RGS7: variants seen among roughly 807,000 people sequenced by gnomAD.
RGS7 encodes regulator of G protein signaling 7, also known as regulator of G-protein signaling 7.
In RGS7, 27 loss-of-function variants were observed where a neutral mutation model predicts 81.1. The ratio of observed to expected loss-of-function variants is 0.33; its 90% CI spans 0.25 to 0.46. RGS7 has a LOEUF of 0.46. RGS7 is among the 20% of genes least tolerant of loss of function. RGS7 has a pLI of 1.00. For missense variants in RGS7, 396 were observed against 607.4 expected (o/e 0.65, Z 3.66); for synonymous variants, 208 against 207.7 (o/e 1.00, Z -0.01).
rs935210661 is a variant in RGS7, at chr1:240,979,837, G to A, written c.226+3242C>T. The stretch of plus-strand genomic sequence containing the variant: ...GGAAGAGTATGAGTGTGAAATTCTG[G>A]AAGCAAAGGACAATCAATTTGTTCA... On this transcript the variant is annotated intron_variant, in intron 4 of 18. Transcript: ENST00000440928. Among the ~76,000 whole-genome samples, 9 of 152,132 alleles carry A rather than the reference G, an allele frequency of 5.9e-5. No individual in the cohort carries two copies. In the South Asian group the frequency reaches 8.3e-4, roughly 14 times the overall value.
chr1:241,013,155 C>T lies in RGS7; in HGVS notation c.176-30026G>A, dbSNP rs556296763. ...TCGGCTCACCGCAACCTCCACCTCC[C>T]GGGTTCAAGCGATTCTCGTGCCTCA... On this transcript the variant is annotated intron_variant, in intron 3 of 18. Transcript: ENST00000440928. Among the ~76,000 whole-genome samples the T allele has an allele frequency of 3.4e-5, 5 of 145,596 alleles. No individual in the cohort carries two copies. The East Asian group carries it at 8.5e-4, about 25-fold the overall frequency.
chr1:241,148,050 TC>T (rs1339949802), intron 2 of RGS7, among the ~76,000 whole-genome samples: 1 of 122,352 alleles, frequency 8.2e-6, no homozygotes, highest in African/African-American at 2.8e-5. Context: ...CTTTTCTTTT[TC>T]TTTTTTTTTT....
chr1:241,265,390 G>T (rs1253960750), intron 2 of RGS7, among the ~76,000 whole-genome samples: 1 of 152,120 alleles, frequency 6.6e-6, no homozygotes, highest in Admixed American at 6.5e-5. Flanking sequence ...AAATAATAAG[G>T]TAAATGGCCT....
At chr1:241,125,284 T>C (rs2066571000) in intron 2 of RGS7, among the ~76,000 whole-genome samples, 1 of 152,156 alleles carries the variant, frequency 6.6e-6, no homozygotes, top group Non-Finnish European at 1.5e-5. Context: ...TCTAAGCATT[T>C]TATGAGGTTT....
intron 2 of RGS7, among the ~76,000 whole-genome samples, chr1:241,145,949 C>T (rs1425280672): frequency 6.6e-6 from 1 of 152,150 alleles, no homozygotes; most frequent in Non-Finnish European, 1.5e-5. Flanking sequence ...ATACTTCTCA[C>T]TGAAAGTTCT....
chr1:241,327,117 A>AG (rs1302529265), intron 2 of RGS7, among the ~76,000 whole-genome samples: 2 of 111,146 alleles, frequency 1.8e-5, no homozygotes, highest in Non-Finnish European at 4.0e-5. Context: ...AAAGAAAGAA[A>AG]GAAAGAAAGA....
At chr1:240,973,257 C>T (rs866601567) in intron 4 of RGS7, among the ~76,000 whole-genome samples, 2 of 152,092 alleles carry the variant, frequency 1.3e-5, no homozygotes, top group Non-Finnish European at 2.9e-5. Context: ...CCATGGCTCA[C>T]GCCTGTATTC....
intron 9 of RGS7, among the ~76,000 whole-genome samples, chr1:240,859,890 T>A (rs1194289600): frequency 1.3e-5 from 2 of 152,216 alleles, no homozygotes; most frequent in East Asian, 3.8e-4. Flanking sequence ...ATCCTAAAAA[T>A]TTTGATAAAG....
intron 6 of RGS7, among the ~76,000 whole-genome samples, chr1:240,902,235 T>A (rs183938266): frequency 1.9e-3 from 284 of 152,352 alleles, no homozygotes; most frequent in African/African-American, 6.2e-3. Context: ...AACAATTGGT[T>A]GAGTTTAAAC....
intron 3 of RGS7, among the ~76,000 whole-genome samples, chr1:241,077,194 C>T (rs2062852554): frequency 6.6e-6 from 1 of 152,144 alleles, no homozygotes; most frequent in South Asian, 2.1e-4. Flanking sequence ...CCCAAATATT[C>T]CTCCATAACA....
chr1:240,885,756 G>T (rs1667242042), intron 6 of RGS7, among the ~76,000 whole-genome samples: 1 of 152,108 alleles, frequency 6.6e-6, no homozygotes, highest in African/African-American at 2.4e-5. Context: ...GAGAGTGGAG[G>T]GTGGGAGGAG....
chr1:241,327,134 GAAA>G lies in RGS7; in HGVS notation c.78+28562_78+28564del, dbSNP rs1400536636. On this transcript the variant is annotated intron_variant, in intron 2 of 18. Coordinates refer to ENST00000440928, the MANE Select transcript of RGS7 (RefSeq NM_001364886.1). ...AGAAAGAAAGAAAGAAAGAAAGAAA[GAAA>G]GAAAGAAAGGAAAGAAAGAAAGAAA... is the stretch of plus-strand genomic sequence containing the variant. Among the ~76,000 whole-genome samples, 82 of 100,710 alleles carry G rather than the reference GAAA, an allele frequency of 8.1e-4. 6 individuals carry two copies. The highest frequency in any genetic ancestry group is 1.9e-3 in the African/African-American group (56 of 29,068). The allele number at this position is 100,710 out of a possible 152,430, so 66.1% of individuals were successfully genotyped here. A position where few individuals can be genotyped will look rare whatever the true frequency, so the allele number is the denominator to read the frequency against.
At chr1:241,244,004 C>T (rs751968943) in intron 2 of RGS7, among the ~76,000 whole-genome samples, 5 of 152,118 alleles carry the variant, frequency 3.3e-5, no homozygotes, top group Admixed American at 6.5e-5. Context: ...AAAAAGAGAT[C>T]CTTTCTAGCG....
At chr1:241,078,485 A>ATATG (rs145183501) in intron 3 of RGS7, among the ~76,000 whole-genome samples, 1 of 143,562 alleles carries the variant, frequency 7.0e-6, no homozygotes, top group South Asian at 2.2e-4. Flanking sequence ...CACGTAAGTT[A>ATATG]TGTGTGTGTG....
At chr1:240,794,328 A>G (rs753417543) in intron 18 of RGS7, among the ~76,000 whole-genome samples, 4 of 152,160 alleles carry the variant, frequency 2.6e-5, no homozygotes, top group South Asian at 2.1e-4. Context: ...TTTAACCACA[A>G]AGAGTATCAC....
chr1:240,838,692 TA>T (rs527760436), intron 9 of RGS7, among the ~76,000 whole-genome samples: 58 of 152,314 alleles, frequency 3.8e-4, no homozygotes, highest in Admixed American at 1.4e-3. Flanking sequence ...CATTCTTACT[TA>T]ATCATATCCA....
chr1:241,194,281 C>A (rs1408332592), intron 2 of RGS7, among the ~76,000 whole-genome samples: 2 of 152,092 alleles, frequency 1.3e-5, no homozygotes, highest in African/African-American at 2.4e-5. Flanking sequence ...GACAAAATTT[C>A]ACATCCCATA....
At chr1:241,260,155 G>A (rs2077255103) in intron 2 of RGS7, among the ~76,000 whole-genome samples, 1 of 152,076 alleles carries the variant, frequency 6.6e-6, no homozygotes, top group Admixed American at 6.6e-5. Context: ...TGTCTCTATT[G>A]ATCTCACTCT....
chr1:241,065,074 A>C (rs1455494882), intron 3 of RGS7, among the ~76,000 whole-genome samples: 2 of 151,990 alleles, frequency 1.3e-5, no homozygotes, highest in Admixed American at 6.6e-5. Context: ...GGGAAGATAC[A>C]CCTCCACCAC....
Sources: gnomAD v4.1 joint callset for allele counts (sites outside exome capture counted in the v4.1 genomes callset) on GRCh38, gnomAD v4.1.1 for gene constraint, MANE v1.5 for transcripts, NCBI Gene and HGNC (gene_info 2026-07-23, HGNC 2026-07-21) for gene names.